The following DOCK9 variants were observed in gnomAD, a reference collection of about 807,000 sequenced individuals.
DOCK9 encodes the protein dedicator of cytokinesis 9, also known as dedicator of cytokinesis protein 9.
In DOCK9, 89 loss-of-function variants were observed where a neutral mutation model predicts 263.3. The ratio of observed to expected loss-of-function variants is 0.34; its 90% CI spans 0.28 to 0.40. The LOEUF (loss-of-function observed/expected upper bound fraction) is 0.40, where lower values mean the gene tolerates loss of function less well. Ranked by LOEUF, DOCK9 falls within the 10% of genes least tolerant of loss-of-function variation. DOCK9 has a pLI of 1.00. For missense variants in DOCK9, 2,140 were observed against 2,603.4 expected (o/e 0.82, Z 3.87); for synonymous variants, 976 against 973.1 (o/e 1.00, Z -0.06).
At chr13:98,888,101 T>C in intron 18 of DOCK9, 57 bp downstream of exon 18, 1 of 1,288,666 alleles carries the variant, frequency 7.8e-7, no homozygotes, top group Admixed American at 2.4e-5. Flanking sequence ...TGAAAGTGCA[T>C]TTTGAAAATG....
intron 1 of DOCK9, among the ~76,000 whole-genome samples, chr13:99,028,340 G>A (rs551806180): frequency 6.6e-6 from 1 of 152,190 alleles, no homozygotes; most frequent in South Asian, 2.1e-4. Context: ...GCAGCTCTTA[G>A]TACTTCTATC....
In DOCK9 at chr13:98,923,379, A is replaced by C; in HGVS notation, c.417-8T>G. 8 of 1,613,074 alleles carry C rather than the reference A, an allele frequency of 5.0e-6. No individual in the cohort carries two copies. Among genetic ancestry groups the C allele is most frequent in the Non-Finnish European group, 6.8e-6 (8 of 1,179,112 alleles). The stretch of plus-strand genomic sequence containing the variant: ...TCCAACTTGACCACTTTGCTATAAA[A>C]ACAACAAAGAAAATTTGTTTTAGAA... On this transcript the variant is annotated splice_polypyrimidine_tract_variant and splice_region_variant and intron_variant, in intron 4 of 52. Transcript: ENST00000682017.
intron 39 of DOCK9, among the ~76,000 whole-genome samples, chr13:98,836,893 C>A (rs1192284075): frequency 6.6e-6 from 1 of 151,984 alleles, no homozygotes; most frequent in Non-Finnish European, 1.5e-5. Context: ...CCTTTCTATG[C>A]TAGAAATGGA....
At chr13:98,810,805 C>G (rs1456689365) in intron 45 of DOCK9, among the ~76,000 whole-genome samples, 2 of 152,214 alleles carry the variant, frequency 1.3e-5, no homozygotes, top group African/African-American at 4.8e-5. Flanking sequence ...TCTGCTTCCA[C>G]TAAAACCCTT....
chr13:98,967,066 C>T (rs1310808237), intron 1 of DOCK9, among the ~76,000 whole-genome samples: 3 of 152,200 alleles, frequency 2.0e-5, no homozygotes, highest in African/African-American at 4.8e-5. Flanking sequence ...CATCTACTTT[C>T]GTGTATGTTT....
intron 1 of DOCK9, among the ~76,000 whole-genome samples, chr13:99,041,858 G>A (rs1001603597): frequency 6.6e-6 from 1 of 152,190 alleles, no homozygotes; most frequent in Non-Finnish European, 1.5e-5. Context: ...CAGCGACTGG[G>A]GTGACATGGC....
chr13:98,909,850 C>T (rs796692928), intron 9 of DOCK9, among the ~76,000 whole-genome samples: 4 of 152,298 alleles, frequency 2.6e-5, no homozygotes, highest in African/African-American at 9.6e-5. Context: ...ATCCTCACTC[C>T]ATCTCCATGA....
In DOCK9 at chr13:98,895,361, C is replaced by T. The variant is rs181585470; in HGVS notation, c.1709+2127G>A. Among the ~76,000 whole-genome samples, 131 of 151,610 alleles carry T rather than the reference C, an allele frequency of 8.6e-4. 1 individual carries two copies. Among genetic ancestry groups the T allele is most frequent in the African/African-American group, 2.8e-3 (116 of 41,322 alleles). On this transcript the variant is annotated intron_variant, in intron 15 of 52. Coordinates refer to ENST00000682017, the MANE Select transcript of DOCK9 (RefSeq NM_001366683.2). ...TAAAATAAAATGTAAAGGAATAAAA[C>T]GTAAAAAAAAATGTTCCCCCCTAGG...
chr13:98,922,160 A>G lies in DOCK9; in HGVS notation c.487-14T>C, dbSNP rs757312319. 6 of 1,570,758 alleles carry G rather than the reference A, an allele frequency of 3.8e-6. No homozygotes were observed. Among genetic ancestry groups the G allele is most frequent in the Non-Finnish European group, 5.2e-6 (6 of 1,154,866 alleles). On this transcript the variant is annotated splice_polypyrimidine_tract_variant and intron_variant, in intron 5 of 52. Transcript: ENST00000682017. ...GGAGGCAGCATCCTAGGAGAGAAGG[A>G]AAACACCAGCAGTCAACCTCCCGTT...
rs1413095325 is a variant in DOCK9, at chr13:99,076,735, C to G, written c.129+9488G>C. Among the ~76,000 whole-genome samples the G allele has an allele frequency of 2.0e-5, 3 of 152,188 alleles. No individual in the cohort carries two copies. In the East Asian group the frequency reaches 5.8e-4, roughly 29 times the overall value. On this transcript the variant is annotated intron_variant, in intron 1 of 32. Transcript: ENST00000427887. ...GAAGATATAGAGTCAGATGTAGCAT[C>G]TTCAGGGTTTGTTCATTCATCCAAA...
Position 98,879,986 on chromosome 13 carries a change from C to G in DOCK9, c.2872-17G>C. On this transcript the variant is annotated splice_polypyrimidine_tract_variant and intron_variant, in intron 26 of 52. Coordinates refer to ENST00000682017, the MANE Select transcript of DOCK9 (RefSeq NM_001366683.2). ...CCATGAGTACTAAAAGAAAAAAGAA[C>G]AGGACCCAGTAAGAACACAACAAAC... 1.9e-6 allele frequency: 3 copies of G among 1,586,584 alleles called. No homozygotes were observed. The highest frequency in any genetic ancestry group is 2.6e-6 in the Non-Finnish European group (3 of 1,169,352).
At chr13:98,970,981 C>T (rs2059676822) in intron 1 of DOCK9, among the ~76,000 whole-genome samples, 1 of 152,146 alleles carries the variant, frequency 6.6e-6, no homozygotes. Context: ...AACTCAAAAC[C>T]CAAACAATTT....
At chr13:99,069,723 G>A (rs774183584) in intron 1 of DOCK9, among the ~76,000 whole-genome samples, 10 of 152,158 alleles carry the variant, frequency 6.6e-5, no homozygotes, top group South Asian at 2.1e-4. Context: ...TTCATGTCAC[G>A]CATTTCTATA....
intron 45 of DOCK9, among the ~76,000 whole-genome samples, chr13:98,820,048 T>C (rs2092165044): frequency 2.0e-5 from 3 of 152,372 alleles, no homozygotes; most frequent in Admixed American, 6.5e-5. Context: ...TTATGTTCTA[T>C]AAAGTCACTG....
Position 98,902,496 on chromosome 13 carries a change from A to T in DOCK9, c.1177-5T>A. 6.2e-7 allele frequency: 1 copy of T among 1,612,096 alleles called. No individual in the cohort carries two copies. The highest frequency in any genetic ancestry group is 8.5e-7 in the Non-Finnish European group (1 of 1,178,822). ...AGTAACAAAGAAAGGTTCAACCTGA[A>T]CAAAACAAAACAATCCAATGATCAC... On this transcript the variant is annotated splice_polypyrimidine_tract_variant and splice_region_variant and intron_variant, in intron 11 of 52. Transcript: ENST00000682017.
chr13:98,892,866 G>A (rs1044269132), intron 15 of DOCK9, among the ~76,000 whole-genome samples: 3 of 152,132 alleles, frequency 2.0e-5, no homozygotes, highest in Non-Finnish European at 4.4e-5. Flanking sequence ...TCCCCACCAC[G>A]GTTTTAGGGG....
intron 2 of DOCK9, among the ~76,000 whole-genome samples, chr13:98,936,646 G>A (rs9557095): frequency 1 from 149,647 of 149,702 alleles, 74,796 homozygotes; most frequent in Middle Eastern, 1. Flanking sequence ...AAGAAAGAAA[G>A]AAAAGAATGA....
chr13:98,853,611 A>C, intron 34 of DOCK9, 89 bp from the exon 35 acceptor site: 1 of 967,604 alleles, frequency 1.0e-6, no homozygotes, highest in Non-Finnish European at 1.6e-6. Flanking sequence ...AGACTCTTAG[A>C]ATCAAGTCAG....
chr13:99,082,028 G>C (rs1161857171), intron 1 of DOCK9, among the ~76,000 whole-genome samples: 1 of 152,034 alleles, frequency 6.6e-6, no homozygotes, highest in South Asian at 2.1e-4. Flanking sequence ...GACCAGCCTA[G>C]GCAACAGGGC....
Sources: gnomAD v4.1 joint callset for allele counts (sites outside exome capture counted in the v4.1 genomes callset) on GRCh38, gnomAD v4.1.1 for gene constraint, MANE v1.5 for transcripts, NCBI Gene and HGNC (gene_info 2026-07-23, HGNC 2026-07-21) for gene names.